Variants in ATXN7L1 observed in about 807,000 individuals in gnomAD.
The protein encoded by ATXN7L1 is ataxin-7-like protein 1.
In ATXN7L1, 15 loss-of-function variants were observed where a neutral mutation model predicts 70.8. That is an observed-to-expected ratio of 0.21 (90% confidence interval 0.14 to 0.33). The LOEUF (loss-of-function observed/expected upper bound fraction) is 0.33, where lower values mean the gene tolerates loss of function less well. Among genes scored for constraint, ATXN7L1 ranks in the 10% least tolerant of loss-of-function variants. ATXN7L1 has a pLI of 1.00. For synonymous variants in ATXN7L1, 440 were observed against 445.1 expected (o/e 0.99, Z 0.14); for missense variants, 975 against 1,097.1 (o/e 0.89, Z 1.57).
At position 105,727,777 on chromosome 7, in the gene ATXN7L1, T is replaced by TATATATATATAC. The variant is rs1462125950; in HGVS notation, c.355+60826_355+60827insGTATATATATAT. Among the ~76,000 whole-genome samples, 622 of 89,960 alleles carry TATATATATATAC rather than the reference T, an allele frequency of 6.9e-3. 7 individuals carry two copies. The highest frequency in any genetic ancestry group is 0.023 in the African/African-American group (375 of 16,218). The allele number at this position is 89,960 out of a possible 152,430, so 59.0% of individuals were successfully genotyped here. A position where few individuals can be genotyped will look rare whatever the true frequency, so the allele number is the denominator to read the frequency against. On this transcript the variant is annotated intron_variant, in intron 3 of 11. Transcript: ENST00000419735. Reference sequence around the variant, plus strand: ...ATATATATATATATATATATATATATACACACACATACACACATATATATA... The same window carrying TATATATATATAC: ...ATATATATATATATATATATATATATATATATATATACACACACACATACACACATATATATA...
intron 3 of ATXN7L1, among the ~76,000 whole-genome samples, chr7:105,764,069 G>T (rs1468781657): frequency 6.6e-6 from 1 of 151,872 alleles, no homozygotes; most frequent in Non-Finnish European, 1.5e-5. Context: ...GGCCAGGCTG[G>T]TCTTGAACTC....
chr7:105,816,871 A>G (rs895903758), intron 2 of ATXN7L1, among the ~76,000 whole-genome samples: 33 of 152,226 alleles, frequency 2.2e-4, no homozygotes, highest in Non-Finnish European at 2.6e-4. Context: ...TTTAGAAAAC[A>G]GGGGGAAACA....
intron 3 of ATXN7L1, among the ~76,000 whole-genome samples, chr7:105,745,604 T>A (rs1318354159): frequency 1.3e-5 from 2 of 152,204 alleles, no homozygotes; most frequent in Non-Finnish European, 2.9e-5. Context: ...CCCTGTGTTC[T>A]AGGGGCTCTT....
At chr7:105,662,010 TTTTCTTTCTTTC>T (rs137986390) in intron 4 of ATXN7L1, among the ~76,000 whole-genome samples, 44 of 131,964 alleles carry the variant, frequency 3.3e-4, no homozygotes, top group South Asian at 5.1e-4. Flanking sequence ...AGATTCTTTC[TTTTCTTTCTTTC>T]TTTCTTTCCT....
At chr7:105,859,954 TG>T (rs1816324191) in intron 2 of ATXN7L1, among the ~76,000 whole-genome samples, 1 of 150,168 alleles carries the variant, frequency 6.7e-6, no homozygotes, top group Non-Finnish European at 1.5e-5. Context: ...GGCTAATTTT[TG>T]TATTTTTAGT....
chr7:105,801,494 G>A (rs1345812586), intron 2 of ATXN7L1, among the ~76,000 whole-genome samples: 4 of 152,206 alleles, frequency 2.6e-5, no homozygotes, highest in Non-Finnish European at 5.9e-5. Flanking sequence ...GTCCTATCAT[G>A]ATCACTACTA....
chr7:105,838,288 G>A (rs74666966), intron 2 of ATXN7L1, among the ~76,000 whole-genome samples: 13,759 of 152,174 alleles, frequency 0.09, 742 homozygotes, highest in East Asian at 0.22. Flanking sequence ...CATGCTGCCA[G>A]GAGCCGAAGA....
chr7:105,717,268 T>C (rs1794678851), intron 3 of ATXN7L1, among the ~76,000 whole-genome samples: 1 of 152,102 alleles, frequency 6.6e-6, no homozygotes, highest in African/African-American at 2.4e-5. Context: ...CGTGGGATTA[T>C]AGGTGGACGC....
chr7:105,740,372 G>A (rs1471255207), intron 3 of ATXN7L1, among the ~76,000 whole-genome samples: 1 of 152,206 alleles, frequency 6.6e-6, no homozygotes, highest in Non-Finnish European at 1.5e-5. Context: ...GTTTAGTGAC[G>A]ATCACAGAGG....
At chr7:105,760,124 G>GT (rs1424657394) in intron 3 of ATXN7L1, 6 of 900,502 alleles carry the variant, frequency 6.7e-6, no homozygotes, top group Non-Finnish European at 8.0e-6. Flanking sequence ...CATATGCCAA[G>GT]TTCTCCTCTT....
At chr7:105,805,593 G>A (rs537608662) in intron 2 of ATXN7L1, among the ~76,000 whole-genome samples, 14 of 152,324 alleles carry the variant, frequency 9.2e-5, no homozygotes, top group Non-Finnish European at 1.6e-4. Flanking sequence ...GAGACAGGGC[G>A]AGACTCACAA....
intron 4 of ATXN7L1, among the ~76,000 whole-genome samples, chr7:105,644,382 T>C (rs962142640): frequency 6.6e-6 from 1 of 152,172 alleles, no homozygotes; most frequent in Non-Finnish European, 1.5e-5. Context: ...GCGGAACAGA[T>C]TGTGGCTGGA....
At chr7:105,688,580 T>C (rs559507894) in intron 3 of ATXN7L1, among the ~76,000 whole-genome samples, 4 of 152,228 alleles carry the variant, frequency 2.6e-5, no homozygotes, top group African/African-American at 9.6e-5. Flanking sequence ...TCGGCTGTTT[T>C]CAGAGGGTCA....
In ATXN7L1 at chr7:105,860,148, C is replaced by CATAT. The variant is rs60831105; in HGVS notation, c.250+15660_250+15663dup. On this transcript the variant is annotated intron_variant, in intron 2 of 11. Transcript: ENST00000419735. ...ATGTAAATATATATATATATATATA[C>CATAT]ATATATATATATATATATATGAAAA... is the stretch of plus-strand genomic sequence containing the variant. Among the ~76,000 whole-genome samples, 42 of 79,946 alleles carry CATAT rather than the reference C, an allele frequency of 5.3e-4. 1 individual carries two copies. Among genetic ancestry groups the CATAT allele is most frequent in the Admixed American group, 1.6e-3 (12 of 7,280 alleles). The allele number at this position is 79,946 out of a possible 152,430, so 52.4% of individuals were successfully genotyped here. A position where few individuals can be genotyped will look rare whatever the true frequency, so the allele number is the denominator to read the frequency against.
intron 2 of ATXN7L1, among the ~76,000 whole-genome samples, chr7:105,815,744 G>A (rs1809085726): frequency 6.6e-6 from 1 of 152,218 alleles, no homozygotes. Flanking sequence ...AGCCTCAGAG[G>A]CACAGCAAAA....
At position 105,866,962 on chromosome 7, in the gene ATXN7L1, T is replaced by C. The variant is rs564954092; in HGVS notation, c.250+8850A>G. ...TTATGCCTACTTCTGAAATATGTCA[T>C]GAATGAAACAAAATGTCATAAACGA... is the stretch of plus-strand genomic sequence containing the variant. On this transcript the variant is annotated intron_variant, in intron 2 of 11. Coordinates refer to ENST00000419735, the MANE Select transcript of ATXN7L1 (RefSeq NM_020725.2). Among the ~76,000 whole-genome samples, 6 of 152,298 alleles carry C rather than the reference T, an allele frequency of 3.9e-5. No individual in the cohort carries two copies. The South Asian group carries it at 1.2e-3, about 32-fold the overall frequency.
At chr7:105,700,043 T>C (rs1465776985) in intron 3 of ATXN7L1, among the ~76,000 whole-genome samples, 2 of 152,150 alleles carry the variant, frequency 1.3e-5, no homozygotes, top group African/African-American at 4.8e-5. Context: ...TCAGAGCCCC[T>C]CCGAGCCGCT....
intron 3 of ATXN7L1, among the ~76,000 whole-genome samples, chr7:105,722,560 TAAAAAAAAAAAAAAA>T (rs56228890): frequency 0.018 from 379 of 20,832 alleles, 10 homozygotes; most frequent in African/African-American, 0.047. Flanking sequence ...GACTCTGCCT[TAAAAAAAAAAAAAAA>T]AAAAAAAAAA....
intron 3 of ATXN7L1, among the ~76,000 whole-genome samples, chr7:105,740,055 C>A (rs1797832495): frequency 1.3e-5 from 2 of 152,196 alleles, no homozygotes; most frequent in Non-Finnish European, 2.9e-5. Flanking sequence ...TTACTGTGAT[C>A]CACTCTGTTT....
Sources: gnomAD v4.1 joint callset for allele counts (sites outside exome capture counted in the v4.1 genomes callset) on GRCh38, gnomAD v4.1.1 for gene constraint, MANE v1.5 for transcripts, NCBI Gene and HGNC (gene_info 2026-07-23, HGNC 2026-07-21) for gene names.